BCAS3: variants seen among roughly 807,000 people sequenced by gnomAD.
BCAS3 encodes BCAS3 microtubule associated cell migration factor.
BCAS3 carries 53 observed loss-of-function variants against 116.1 expected under a neutral mutation model. The ratio of observed to expected loss-of-function variants is 0.46; its 90% CI spans 0.37 to 0.57. The LOEUF (loss-of-function observed/expected upper bound fraction) is 0.57. Among genes scored for constraint, BCAS3 ranks in the 20% least tolerant of loss-of-function variants. The pLI is 0.00. For missense variants in BCAS3, 917 were observed against 1,165.4 expected (o/e 0.79, Z 3.10); for synonymous variants, 391 against 408.2 (o/e 0.96, Z 0.51).
At chr17:60,850,540 G>A (rs1352504152) in intron 7 of BCAS3, among the ~76,000 whole-genome samples, 2 of 151,678 alleles carry the variant, frequency 1.3e-5, no homozygotes, top group African/African-American at 4.8e-5. Flanking sequence ...TGTATTTTTA[G>A]TAGAGATGGG....
At chr17:61,303,511 GTATTACCACC>G (rs2053611251) in intron 22 of BCAS3, among the ~76,000 whole-genome samples, 1 of 152,150 alleles carries the variant, frequency 6.6e-6, no homozygotes, top group South Asian at 2.1e-4. Flanking sequence ...TGAACTGACA[GTATTACCACC>G]TGTTGTTCAT....
intron 15 of BCAS3, among the ~76,000 whole-genome samples, chr17:61,001,977 A>G (rs1019628381): frequency 1.2e-4 from 19 of 152,102 alleles, no homozygotes; most frequent in Non-Finnish European, 2.9e-5. Flanking sequence ...TAATGGAAGA[A>G]GCTATTAAAT....
chr17:60,792,885 G>A (rs1421899969), intron 6 of BCAS3, among the ~76,000 whole-genome samples: 1 of 151,982 alleles, frequency 6.6e-6, no homozygotes, highest in African/African-American at 2.4e-5. Context: ...AACACTAATT[G>A]GACTAAAACA....
At position 61,215,222 on chromosome 17, in the gene BCAS3, T is replaced by C. The variant is rs894262898; in HGVS notation, c.2425+130658T>C. Among the ~76,000 whole-genome samples the C allele has an allele frequency of 2.6e-5, 4 of 152,228 alleles. No individual in the cohort carries two copies. Among genetic ancestry groups the C allele is most frequent in the African/African-American group, 9.6e-5 (4 of 41,460 alleles). ...CTCTTTTTAGAGAGGAGAACAAATC[T>C]CTTTTGAAATTCATTTGTTAAAGAA... On this transcript the variant is annotated intron_variant, in intron 22 of 23. Coordinates refer to ENST00000407086, the MANE Select transcript of BCAS3 (RefSeq NM_017679.5). The surrounding 1 kb of genome is among the most constrained non-coding windows in gnomAD (Gnocchi z 4.8).
At chr17:60,765,992 G>A (rs909108734) in intron 6 of BCAS3, among the ~76,000 whole-genome samples, 10 of 152,172 alleles carry the variant, frequency 6.6e-5, no homozygotes, top group African/African-American at 1.9e-4. Flanking sequence ...ACTGAAGCAT[G>A]TGCATGTGTC....
intron 8 of BCAS3, among the ~76,000 whole-genome samples, chr17:60,873,295 CATT>C (rs2055299391): frequency 6.6e-6 from 1 of 151,980 alleles, no homozygotes; most frequent in Admixed American, 6.6e-5. Flanking sequence ...AGTAGTCACT[CATT>C]AGAATTATTC....
At chr17:60,945,344 T>A (rs1255978909) in intron 13 of BCAS3, among the ~76,000 whole-genome samples, 2 of 152,140 alleles carry the variant, frequency 1.3e-5, no homozygotes, top group Admixed American at 6.6e-5. Flanking sequence ...CTCAATACAG[T>A]TCCCTCAAAA....
intron 19 of BCAS3, among the ~76,000 whole-genome samples, chr17:61,062,973 G>A (rs912230168): frequency 1.3e-5 from 2 of 152,182 alleles, no homozygotes; most frequent in African/African-American, 4.8e-5. Context: ...TGTTGTGGTG[G>A]AGAGGACTCT....
At chr17:61,048,781 C>T (rs753138564) in intron 19 of BCAS3, among the ~76,000 whole-genome samples, 7 of 151,866 alleles carry the variant, frequency 4.6e-5, no homozygotes, top group Admixed American at 3.9e-4. Context: ...TTCCAGTATT[C>T]AACAGAATAC....
intron 14 of BCAS3, among the ~76,000 whole-genome samples, chr17:60,968,236 A>C (rs1193729002): frequency 1.3e-5 from 2 of 151,804 alleles, no homozygotes; most frequent in Non-Finnish European, 2.9e-5. Context: ...ATCCTTTTAG[A>C]GTCAGGGCTC....
intron 22 of BCAS3, among the ~76,000 whole-genome samples, chr17:61,260,055 A>C (rs550244693): frequency 1.2e-4 from 18 of 152,316 alleles, no homozygotes; most frequent in South Asian, 1.0e-3. Context: ...TGTTACAGAT[A>C]AGTACTGGAT....
At chr17:61,372,376 C>G (rs147661647) in intron 23 of BCAS3, among the ~76,000 whole-genome samples, 14 of 152,310 alleles carry the variant, frequency 9.2e-5, no homozygotes, top group African/African-American at 3.1e-4. Context: ...GCCCTGGTCT[C>G]TTCTCTCTCA....
In BCAS3 at chr17:61,032,537, C is replaced by T. The variant is rs371782597; in HGVS notation, c.1638-2129C>T. Among the ~76,000 whole-genome samples, 1 of 152,080 alleles carries T rather than the reference C, an allele frequency of 6.6e-6. No individual in the cohort carries two copies. ...ATGGAAATAAAAGCTTTGAAAGAAG[C>T]CTTATATTCTCAGGTAATGCAACAG... On this transcript the variant is annotated intron_variant, in intron 16 of 23. Transcript: ENST00000407086. The surrounding 1 kb of genome is among the most constrained non-coding windows in gnomAD (Gnocchi z 4.6).
rs2145581649 is a variant in BCAS3 at position 61,029,526 on chromosome 17, C to G, written c.1638-5140C>G. ...AACATAGGAATTTAAGATAAATAAT[C>G]CCAGTGTGAATTTTTGAATCTGAAT... is the stretch of plus-strand genomic sequence containing the variant. On this transcript the variant is annotated intron_variant, in intron 16 of 23. Coordinates refer to ENST00000407086, the MANE Select transcript of BCAS3 (RefSeq NM_017679.5). This position sits in a 1 kb window ranked among gnomAD's most constrained non-coding sequence, Gnocchi z 5.2. Among the ~76,000 whole-genome samples, 1 of 151,816 alleles carries G rather than the reference C, an allele frequency of 6.6e-6. No individual in the cohort carries two copies. Among genetic ancestry groups the G allele is most frequent in the East Asian group, 1.9e-4 (1 of 5,178 alleles).
intron 22 of BCAS3, among the ~76,000 whole-genome samples, chr17:61,295,668 T>C (rs2052819110): frequency 6.6e-6 from 1 of 151,802 alleles, no homozygotes; most frequent in Non-Finnish European, 1.5e-5. Context: ...TTTCTGTAGG[T>C]CAGGCGGGGC....
chr17:61,075,360 G>A (rs1601013606), intron 20 of BCAS3, among the ~76,000 whole-genome samples: 1 of 152,142 alleles, frequency 6.6e-6, no homozygotes, highest in Admixed American at 6.5e-5. Context: ...TGTCACCCAA[G>A]CTGGAGTGCA....
At chr17:60,940,501 T>A (rs2060170033) in intron 13 of BCAS3, among the ~76,000 whole-genome samples, 1 of 152,218 alleles carries the variant, frequency 6.6e-6, no homozygotes, top group African/African-American at 2.4e-5. Flanking sequence ...TAATCTGACT[T>A]TAATAAGCTA....
chr17:60,899,972 GGCTGTAGTGCACTATGCCA>G (rs2057771576), intron 10 of BCAS3: 3 of 152,452 alleles, frequency 2.0e-5, no homozygotes. Flanking sequence ...AGGAGCTCTG[GGCTGTAGTGCACTATGCCA>G]ATCAGGTGTC....
In BCAS3 at chr17:61,368,527, G is replaced by A. The variant is rs1269624267; in HGVS notation, c.2593+33G>A. ...TGTCATCAGACTTCTAGCCTGATTTGGTCAGGACCAGCACCTGTTGGTGCA... is the reference window on the plus strand; with the variant it reads ...TGTCATCAGACTTCTAGCCTGATTTAGTCAGGACCAGCACCTGTTGGTGCA... On this transcript the variant is annotated intron_variant, in intron 23 of 23. Transcript: ENST00000407086. This position sits in a 1 kb window ranked among gnomAD's most constrained non-coding sequence, Gnocchi z 6.0. The A allele has an allele frequency of 1.3e-6, 2 of 1,568,096 alleles. No individual in the cohort carries two copies. Among genetic ancestry groups the A allele is most frequent in the African/African-American group, 2.7e-5 (2 of 74,214 alleles).
Sources: allele counts gnomAD v4.1 joint callset (sites outside exome capture counted in the v4.1 genomes callset), GRCh38; gene constraint gnomAD v4.1.1; non-coding constraint Gnocchi (gnomAD v3.1); transcripts MANE v1.5; gene names NCBI Gene and HGNC (gene_info 2026-07-23, HGNC 2026-07-21).